The following NECTIN4 variants were observed in gnomAD, a reference collection of about 807,000 sequenced individuals.
NECTIN4 encodes nectin-4.
A neutral mutation model predicts 51.7 loss-of-function variants in NECTIN4; 19 were observed. The observed-to-expected ratio is 0.37, with a 90% CI of 0.26 to 0.54. The LOEUF is 0.54. Ranked by LOEUF, NECTIN4 falls within the 20% of genes least tolerant of loss-of-function variation. NECTIN4 has a pLI of 0.86. For missense variants in NECTIN4, 619 were observed against 662.4 expected, an observed-to-expected ratio of 0.93 and a Z score of 0.72; for synonymous variants, 283 against 286.9, an observed-to-expected ratio of 0.99 and a Z score of 0.14.
rs769456475 is a variant in NECTIN4 at position 161,079,718 on chromosome 1, G to A, written c.311C>T (p.Pro104Leu). ...CACTGAGCCGTCCAGGGGGTTGCGT[G>A]GGGGCGGCGGCTGCTCCACGCGGCC... ...YEGRVEQPPPPRNPLDGSVLL... is the reference protein window; with the variant it reads ...YEGRVEQPPPLRNPLDGSVLL... The change falls in exon 2 of 9, where the codon CCA becomes CTA. Residue 104 changes from proline to leucine, a missense_variant. Physicochemically the swap from Pro to Leu is moderately conservative, Grantham distance 98. This residue lies in a region of NECTIN4 where 218 missense variants were observed against 186.3 expected (regional missense o/e 1.17). Coordinates refer to ENST00000368012, the MANE Select transcript of NECTIN4 (RefSeq NM_030916.3). The A allele has an allele frequency of 2.5e-6, 4 of 1,609,028 alleles. No homozygotes were observed. In the African/African-American group the frequency reaches 4.0e-5, roughly 16 times the overall value.
chr1:161,076,306 G>C (rs758862899), intron 4 of NECTIN4, 49 bp downstream of exon 4: 1 of 1,611,016 alleles, frequency 6.2e-7, no homozygotes, highest in Non-Finnish European at 8.5e-7. Context: ...GCCCTGAGAG[G>C]GGAGGAACCT....
At position 161,076,375 on chromosome 1, in the gene NECTIN4, A is replaced by G; in HGVS notation, c.831T>C (p.Pro277=). The stretch of plus-strand genomic sequence containing the variant: ...CTTACCGTGTCCAGTTGTATGAGGG[A>G]GGGGGCTGCCCTTCACTCAGGCACT... ...MLKCLSEGQP[P]PSYNWTRLDG... is the part of the protein sequence containing the mutation. Residue 277 remains proline, a synonymous_variant, in exon 4 of 9, where the codon CCT becomes CCC. Transcript: ENST00000368012. 1 of 1,614,108 alleles carries G rather than the reference A, an allele frequency of 6.2e-7. No homozygotes were observed. Among genetic ancestry groups the G allele is most frequent in the South Asian group, 1.1e-5 (1 of 91,078 alleles).
chr1:161,074,040 T>G (rs1571144279), intron 6 of NECTIN4, among the ~76,000 whole-genome samples, 177 bp downstream of exon 6: 2 of 152,220 alleles, frequency 1.3e-5, no homozygotes, highest in East Asian at 1.9e-4. Flanking sequence ...GATTGAGTGC[T>G]CCATCTGTGC....
chr1:161,081,784 C>T (rs995534310), intron 1 of NECTIN4, among the ~76,000 whole-genome samples: 14 of 152,058 alleles, frequency 9.2e-5, no homozygotes, highest in Non-Finnish European at 2.1e-4. Context: ...GACATCATTT[C>T]CAGCAGGAGT....
chr1:161,073,219 C>A lies in NECTIN4; in HGVS notation c.1308+6G>T. 6.2e-7 allele frequency: 1 copy of A among 1,613,482 alleles called. No individual in the cohort carries two copies. The highest frequency in any genetic ancestry group is 8.5e-7 in the Non-Finnish European group (1 of 1,179,440). On this transcript the variant is annotated splice_donor_region_variant and intron_variant, in intron 8 of 8. Coordinates refer to ENST00000368012, the MANE Select transcript of NECTIN4 (RefSeq NM_030916.3). Reference sequence around the variant, plus strand: ...GTGGGGACACCGGTGGGGCCGGGGGCCTCACCATCACAGAGCAGCTACTGT... The same window carrying A: ...GTGGGGACACCGGTGGGGCCGGGGGACTCACCATCACAGAGCAGCTACTGT...
chr1:161,072,790 G>T lies in NECTIN4; in HGVS notation c.1404C>A (p.Ala468=). ...CTTCATCCTGATCTTCCTCCTCCTCGGCCCGCCCAGAGCCTGGAGACAGCA... is the reference window on the plus strand; with the variant it reads ...CTTCATCCTGATCTTCCTCCTCCTCTGCCCGCCCAGAGCCTGGAGACAGCA... ...TELLSPGSGR[A]EEEEDQDEGI... is the part of the protein sequence containing the mutation. Residue 468 remains alanine, a synonymous_variant, in exon 9 of 9, where the codon GCC becomes GCA. Transcript: ENST00000368012. 6.2e-7 allele frequency: 1 copy of T among 1,614,154 alleles called. No individual in the cohort carries two copies.
intron 1 of NECTIN4, among the ~76,000 whole-genome samples, chr1:161,088,114 A>G (rs549869097): frequency 5.8e-4 from 89 of 152,294 alleles, no homozygotes; most frequent in African/African-American, 1.9e-3. Flanking sequence ...CCCATGACCT[A>G]TAATAAAATC....
chr1:161,082,198 G>A (rs182379349), intron 1 of NECTIN4, among the ~76,000 whole-genome samples: 36 of 152,132 alleles, frequency 2.4e-4, no homozygotes, highest in Non-Finnish European at 4.0e-4. Flanking sequence ...GCGTGGTGGC[G>A]GGCGCCTGTA....
Position 161,074,372 on chromosome 1 carries a change from G to T in NECTIN4, c.1002C>A (p.Asp334Glu), listed in dbSNP as rs1327189599. 1.2e-6 allele frequency: 2 copies of T among 1,613,796 alleles called. No individual in the cohort carries two copies. Among genetic ancestry groups the T allele is most frequent in the African/African-American group, 1.3e-5 (1 of 74,824 alleles). The change falls in exon 6 of 9, where the codon GAC (aspartate) becomes GAA (glutamate). Residue 334 changes from aspartate to glutamate, a missense_variant and splice_region_variant. Physicochemically the swap from Asp to Glu is conservative, Grantham distance 45. This residue lies in a region of NECTIN4 where 364 missense variants were observed against 415.7 expected (regional missense o/e 0.88). Coordinates refer to ENST00000368012, the MANE Select transcript of NECTIN4 (RefSeq NM_030916.3). Reference sequence around the variant, plus strand: ...CCTGCTTCCCAGAGTCTTCCTGGGGGTCTGCTGGAGACAGGCCACTGTCTG... The same window carrying T: ...CCTGCTTCCCAGAGTCTTCCTGGGGTTCTGCTGGAGACAGGCCACTGTCTG... ...RDSQVTVDVL[D>E]PQEDSGKQVD...
rs778722797 is a variant in NECTIN4 at position 161,089,201 on chromosome 1, GT to G, written c.79+16del. ...GGGCTCAGAAGCAAGTGTCCTGATG[GT>G]TCAGGCAAGTCCTACCTGTAAATGA... is the stretch of plus-strand genomic sequence containing the variant. On this transcript the variant is annotated intron_variant, in intron 1 of 8. Coordinates refer to ENST00000368012, the MANE Select transcript of NECTIN4 (RefSeq NM_030916.3). This position sits in a 1 kb window ranked among gnomAD's most constrained non-coding sequence, Gnocchi z 4.1. 7 of 1,612,658 alleles carry G rather than the reference GT, an allele frequency of 4.3e-6. No homozygotes were observed.
chr1:161,081,335 G>T (rs1653668027), intron 1 of NECTIN4, among the ~76,000 whole-genome samples: 1 of 152,010 alleles, frequency 6.6e-6, no homozygotes, highest in African/African-American at 2.4e-5. Flanking sequence ...TGCAGCCTGG[G>T]TGCAGTAGTG....
At position 161,074,355 on chromosome 1, in the gene NECTIN4, C is replaced by T. The variant is rs1653316991; in HGVS notation, c.1019G>A (p.Gly340Glu). Residue 340 changes from glycine to glutamate, a missense_variant, in exon 6 of 9, where the codon GGG becomes GAG. By Grantham distance (98) the Gly-to-Glu change is moderately conservative. This residue lies in a region of NECTIN4 where 364 missense variants were observed against 415.7 expected (regional missense o/e 0.88). Transcript: ENST00000368012. ...GGCTGACACTAGGTCCACCTGCTTCCCAGAGTCTTCCTGGGGGTCTGCTGG... is the reference window on the plus strand; with the variant it reads ...GGCTGACACTAGGTCCACCTGCTTCTCAGAGTCTTCCTGGGGGTCTGCTGG... ...VDVLDPQEDS[G>E]KQVDLVSASV... The T allele has an allele frequency of 6.2e-7, 1 of 1,613,914 alleles. No homozygotes were observed. The highest frequency in any genetic ancestry group is 1.7e-5 in the Admixed American group (1 of 59,994).
rs11552341 is a variant in NECTIN4 at position 161,072,116 on chromosome 1, C to T, written c.*545G>A. On this transcript the variant is annotated 3_prime_UTR_variant, in exon 9 of 9. Coordinates refer to ENST00000368012, the MANE Select transcript of NECTIN4 (RefSeq NM_030916.3). The stretch of plus-strand genomic sequence containing the variant: ...TGGTAGGAGACAGGTTCCCTCACAC[C>T]GGAGGCAGATTCCAGCTCCAGCTAT... 2.3e-3 allele frequency: 462 copies of T among 201,076 alleles called. No individual in the cohort carries two copies. Among genetic ancestry groups the T allele is most frequent in the Non-Finnish European group, 3.5e-3 (335 of 95,998 alleles). 12.5% of individuals were successfully genotyped at this position (201,076 alleles called of 1,614,324 possible). A position where few individuals can be genotyped will look rare whatever the true frequency, so the allele number is the denominator to read the frequency against.
intron 1 of NECTIN4, among the ~76,000 whole-genome samples, chr1:161,081,469 C>A (rs1217226562): frequency 6.6e-6 from 1 of 152,056 alleles, no homozygotes; most frequent in Non-Finnish European, 1.5e-5. Context: ...GGATGAGTAA[C>A]TTATGAGGGA....
intron 4 of NECTIN4, among the ~76,000 whole-genome samples, chr1:161,075,019 C>T (rs1311279818): frequency 6.7e-6 from 1 of 148,682 alleles, no homozygotes; most frequent in Non-Finnish European, 1.5e-5. Context: ...ACAGGCATCA[C>T]GTCATCCAAC....
At chr1:161,087,647 G>A (rs1256043145) in intron 1 of NECTIN4, 1 of 151,938 alleles carries the variant, frequency 6.6e-6, no homozygotes, top group African/African-American at 2.4e-5. Flanking sequence ...CGGGCCTGGG[G>A]GCTGGGAGGG....
rs1459944656 is a variant in NECTIN4, at chr1:161,074,642, T to C, written c.969A>G (p.Ser323=). The C allele has an allele frequency of 6.2e-7, 1 of 1,614,130 alleles. No homozygotes were observed. Among genetic ancestry groups the C allele is most frequent in the African/African-American group, 1.3e-5 (1 of 74,936 alleles). ...CATCCACAGTGACCTGAGAATCCCT[T>C]GAGGAGAACTCATTGCTGACATGGC... The part of the protein sequence containing the change: ...YVCHVSNEFS[S]RDSQVTVDVL... The change falls in exon 5 of 9, where the codon TCA becomes TCG. Residue 323 remains serine (S), a synonymous_variant. Coordinates refer to ENST00000368012, the MANE Select transcript of NECTIN4 (RefSeq NM_030916.3).
rs992502129 is a variant in NECTIN4 at position 161,089,053 on chromosome 1, G to C, written c.79+165C>G. ...GGGGAGGGCTATACTGGCTTTTCTG[G>C]GGGCACTGCTGGAAGCTGGGGGCAG... On this transcript the variant is annotated intron_variant, in intron 1 of 8. Coordinates refer to ENST00000368012, the MANE Select transcript of NECTIN4 (RefSeq NM_030916.3). The surrounding 1 kb of genome is among the most constrained non-coding windows in gnomAD (Gnocchi z 4.1). 3.9e-5 allele frequency among the ~76,000 whole-genome samples: 6 copies of C among 152,032 alleles called. No individual in the cohort carries two copies. Among genetic ancestry groups the C allele is most frequent in the Non-Finnish European group, 8.8e-5 (6 of 67,978 alleles).
chr1:161,072,437 AG>A lies in NECTIN4; in HGVS notation c.*223del. On this transcript the variant is annotated 3_prime_UTR_variant, in exon 9 of 9. Coordinates refer to ENST00000368012, the MANE Select transcript of NECTIN4 (RefSeq NM_030916.3). Reference sequence around the variant, plus strand: ...ACACACAGTCAGTCAACACTCACACAGGCACACATGCACACACACAGTGACC... The same window carrying A: ...ACACACAGTCAGTCAACACTCACACAGCACACATGCACACACACAGTGACC... The A allele has an allele frequency of 4.9e-6, 3 of 612,088 alleles. No homozygotes were observed. In the South Asian group the frequency reaches 5.5e-5, roughly 11 times the overall value. The allele number at this position is 612,088 out of a possible 1,614,324, so 37.9% of individuals were successfully genotyped here. A position where few individuals can be genotyped will look rare whatever the true frequency, so the allele number is the denominator to read the frequency against.
Sources: allele counts gnomAD v4.1 joint callset (sites outside exome capture counted in the v4.1 genomes callset), GRCh38; gene constraint gnomAD v4.1.1; regional missense constraint gnomAD v4.1.1; non-coding constraint Gnocchi (gnomAD v3.1); transcripts MANE v1.5; gene names NCBI Gene and HGNC (gene_info 2026-07-23, HGNC 2026-07-21).